The following EPB41L5 variants were observed in gnomAD, a reference collection of about 807,000 sequenced individuals.
EPB41L5 encodes the protein band 4.1-like protein 5.
Under a neutral mutation model 106.6 loss-of-function variants are expected in EPB41L5, and 55 were observed. The observed-to-expected ratio is 0.52, with a 90% CI of 0.42 to 0.65. The LOEUF is 0.65. EPB41L5 is among the 30% of genes least tolerant of loss of function. The pLI is 0.00. For synonymous variants in EPB41L5, 297 were observed against 306.7 expected, an observed-to-expected ratio of 0.97 and a Z score of 0.33; for missense variants, 871 against 882.1, an observed-to-expected ratio of 0.99 and a Z score of 0.16.
rs925155279 is a variant in EPB41L5, at chr2:120,175,232, A to G, written c.*325A>G. On this transcript the variant is annotated 3_prime_UTR_variant, in exon 25 of 25. Transcript: ENST00000263713. ...CCACCTAGCGGTTCTATTTGTTCATAACAACTTCATAACAAGCCTGCCTCT... is the reference window on the plus strand; with the variant it reads ...CCACCTAGCGGTTCTATTTGTTCATGACAACTTCATAACAAGCCTGCCTCT... 2 of 273,126 alleles carry G rather than the reference A, an allele frequency of 7.3e-6. No individual in the cohort carries two copies. The highest frequency in any genetic ancestry group is 4.3e-5 in the Admixed American group (1 of 23,088). 16.9% of individuals were successfully genotyped at this position (273,126 alleles called of 1,614,324 possible).
chr2:120,041,283 G>T (rs1389579392), intron 2 of EPB41L5, among the ~76,000 whole-genome samples: 1 of 152,092 alleles, frequency 6.6e-6, no homozygotes, highest in East Asian at 1.9e-4. Context: ...CGTTCACTGT[G>T]TTGCAATGTG....
At chr2:120,022,197 A>G (rs983711253) in intron 2 of EPB41L5, among the ~76,000 whole-genome samples, 1 of 151,984 alleles carries the variant, frequency 6.6e-6, no homozygotes. Flanking sequence ...CTTTTTTTAA[A>G]TTGTACTTTA....
intron 16 of EPB41L5, among the ~76,000 whole-genome samples, chr2:120,117,978 GTTTACT>G (rs879308402): frequency 6.6e-6 from 1 of 152,002 alleles, no homozygotes; most frequent in Non-Finnish European, 1.5e-5. Flanking sequence ...GTTTTTCACT[GTTTACT>G]TTTAGTATTT....
At position 120,160,886 on chromosome 2, in the gene EPB41L5, T is replaced by G; in HGVS notation, c.1799T>G (p.Val600Gly). The G allele has an allele frequency of 6.2e-7, 1 of 1,610,926 alleles. No homozygotes were observed. The highest frequency in any genetic ancestry group is 8.5e-7 in the Non-Finnish European group (1 of 1,177,136). The change falls in exon 21 of 25, where the codon GTG becomes GGG. Residue 600 changes from valine (V) to glycine (G), a missense_variant. Transcript: ENST00000263713. ...NVQDAATNSAVLNENNVPLPK... is the reference protein window; with the variant it reads ...NVQDAATNSAGLNENNVPLPK... ...ATTTATCTTTTTCTTCCTAGTGCTG[T>G]GTTAAATGAGAATAATGTGCCCCTC...
intron 16 of EPB41L5, among the ~76,000 whole-genome samples, chr2:120,113,930 C>A (rs2105433062): frequency 6.6e-6 from 1 of 152,246 alleles, no homozygotes; most frequent in East Asian, 1.9e-4. Flanking sequence ...TGAATTTCTG[C>A]TTTTTGTGAA....
intron 14 of EPB41L5, among the ~76,000 whole-genome samples, chr2:120,097,684 G>A (rs1163374981): frequency 6.6e-6 from 1 of 152,192 alleles, no homozygotes; most frequent in East Asian, 1.9e-4. Context: ...AATCAAATGA[G>A]TAGAAGGTAT....
rs144135450 is a variant in EPB41L5 at position 120,073,001 on chromosome 2, G to A, written c.286-177G>A. Among the ~76,000 whole-genome samples, 439 of 151,768 alleles carry A rather than the reference G, an allele frequency of 2.9e-3. 2 individuals are homozygous for A. Among genetic ancestry groups the A allele is most frequent in the African/African-American group, 0.01 (426 of 41,410 alleles). On this transcript the variant is annotated intron_variant, in intron 3 of 24. Coordinates refer to ENST00000263713, the MANE Select transcript of EPB41L5 (RefSeq NM_020909.4). The stretch of plus-strand genomic sequence containing the variant: ...CGTGTGTCATAAGCTTGCTATGGTG[G>A]ATATTGGCTAGATACTCTTCCTTCT...
rs776692582 is a variant in EPB41L5, at chr2:120,075,466, T to A, written c.408-10T>A. ...TGTTGGGTTAAATTTGTGCCTTTCATTTTTCTTAGGTATTTATTTGTTCTT... is the reference window on the plus strand; with the variant it reads ...TGTTGGGTTAAATTTGTGCCTTTCAATTTTCTTAGGTATTTATTTGTTCTT... On this transcript the variant is annotated splice_polypyrimidine_tract_variant and intron_variant, in intron 5 of 24. Coordinates refer to ENST00000263713, the MANE Select transcript of EPB41L5 (RefSeq NM_020909.4). The A allele has an allele frequency of 1.3e-4, 208 of 1,549,150 alleles. 3 individuals are homozygous for A. In the South Asian group the frequency reaches 2.0e-3, roughly 15 times the overall value.
At chr2:120,015,623 T>G (rs1677462916) in intron 1 of EPB41L5, among the ~76,000 whole-genome samples, 1 of 152,072 alleles carries the variant, frequency 6.6e-6, no homozygotes, top group Admixed American at 6.6e-5. Flanking sequence ...TTGTCATATC[T>G]AAGTCAACTA....
intron 24 of EPB41L5, among the ~76,000 whole-genome samples, chr2:120,168,737 A>G (rs910872974): frequency 2.0e-5 from 3 of 152,238 alleles, no homozygotes; most frequent in African/African-American, 7.2e-5. Context: ...GTTTAATTTC[A>G]AAATTGTCTC....
intron 16 of EPB41L5, chr2:120,106,052 A>G (rs1345337027): frequency 8.1e-6 from 8 of 984,850 alleles, no homozygotes; most frequent in South Asian, 4.7e-5. Flanking sequence ...GCAGATTGTA[A>G]TTGAAGAGTA....
intron 3 of EPB41L5, among the ~76,000 whole-genome samples, chr2:120,044,241 G>A (rs537677775): frequency 6.6e-6 from 1 of 151,148 alleles, no homozygotes; most frequent in East Asian, 1.9e-4. Flanking sequence ...GGTGACATTA[G>A]TGTAGGAGAT....
intron 20 of EPB41L5, among the ~76,000 whole-genome samples, chr2:120,154,412 G>A (rs56867762): frequency 0.64 from 95,862 of 150,726 alleles, 31,812 homozygotes; most frequent in Middle Eastern, 0.74. Context: ...TAATCTGCCC[G>A]CCTCAGCCTC....
rs555929747 is a variant in EPB41L5, at chr2:120,141,757, T to C, written c.1600-1246T>C. ...CACGTAGAAATCTCAGGAGAGAGCA[T>C]GTTAACCATCTTTAGATATATGAAG... On this transcript the variant is annotated intron_variant, in intron 18 of 24. Coordinates refer to ENST00000263713, the MANE Select transcript of EPB41L5 (RefSeq NM_020909.4). Among the ~76,000 whole-genome samples the C allele has an allele frequency of 2.0e-5, 3 of 152,206 alleles. No homozygotes were observed. The South Asian group carries it at 6.2e-4, about 32-fold the overall frequency.
chr2:120,137,168 A>G (rs1401364227), intron 18 of EPB41L5, among the ~76,000 whole-genome samples: 2 of 152,074 alleles, frequency 1.3e-5, no homozygotes, highest in Non-Finnish European at 2.9e-5. Context: ...TTCTTGAAAC[A>G]AATGAAAATG....
At chr2:120,168,470 A>G (rs1035196777) in intron 24 of EPB41L5, among the ~76,000 whole-genome samples, 1 of 152,208 alleles carries the variant, frequency 6.6e-6, no homozygotes, top group Non-Finnish European at 1.5e-5. Flanking sequence ...TGCTTGCTAC[A>G]GACAGAAACT....
chr2:120,053,385 A>G (rs1255086709), intron 3 of EPB41L5, among the ~76,000 whole-genome samples: 1 of 152,240 alleles, frequency 6.6e-6, no homozygotes, highest in Non-Finnish European at 1.5e-5. Flanking sequence ...TCACCATTTT[A>G]GATTGTACAA....
intron 3 of EPB41L5, among the ~76,000 whole-genome samples, chr2:120,042,996 TGTGTG>T (rs869190747): frequency 1.6e-5 from 2 of 126,948 alleles, no homozygotes; most frequent in African/African-American, 7.3e-5. Flanking sequence ...TTTCTGGAAA[TGTGTG>T]TGTGTGTGTG....
chr2:120,098,246 G>A (rs1178381744), intron 14 of EPB41L5, among the ~76,000 whole-genome samples: 3 of 150,374 alleles, frequency 2.0e-5, no homozygotes, highest in South Asian at 4.2e-4. Context: ...GTCTTGCCCT[G>A]TCACCCAGGC....
Sources: gnomAD v4.1 joint callset for allele counts (sites outside exome capture counted in the v4.1 genomes callset) on GRCh38, gnomAD v4.1.1 for gene constraint, MANE v1.5 for transcripts, NCBI Gene and HGNC (gene_info 2026-07-23, HGNC 2026-07-21) for gene names.